The following VARS1 variants were observed in gnomAD, a reference collection of about 807,000 sequenced individuals.
The protein encoded by VARS1 is valyl-tRNA synthetase 1, also known as valine--tRNA ligase.
A neutral mutation model predicts 161.0 loss-of-function variants in VARS1; 92 were observed. The observed-to-expected ratio is 0.57, with a 90% CI of 0.48 to 0.68. The LOEUF (loss-of-function observed/expected upper bound fraction) is 0.68. Ranked by LOEUF, VARS1 falls within the 30% of genes least tolerant of loss-of-function variation. The pLI, the probability that VARS1 is intolerant of heterozygous loss-of-function variation, is 0.00. For missense variants in VARS1, 1,338 were observed against 1,695.9 expected, an observed-to-expected ratio of 0.79 and a Z score of 3.71; for synonymous variants, 595 against 682.5, an observed-to-expected ratio of 0.87 and a Z score of 2.00.
In VARS1 at chr6:31,782,932, C is replaced by T. The variant is rs778814391; in HGVS notation, c.1763-87G>A. The T allele has an allele frequency of 5.0e-5, 78 of 1,546,476 alleles. No homozygotes were observed. Among genetic ancestry groups the T allele is most frequent in the Non-Finnish European group, 5.6e-5 (64 of 1,145,374 alleles). ...CCTCTTTTGCTGAAGGATGTAGCTC[C>T]GAGACCACTCCTGGCCCCCACTTGT... On this transcript the variant is annotated intron_variant, in intron 14 of 29. Transcript: ENST00000375663. The surrounding 1 kb of genome is among the most constrained non-coding windows in gnomAD (Gnocchi z 8.3).
rs940612260 is a variant in VARS1 at position 31,782,438 on chromosome 6, G to A, written c.1997C>T (p.Ser666Leu). The change falls in exon 17 of 30, where the codon TCG becomes TTG. Residue 666 changes from serine to leucine, a missense_variant. By Grantham distance (145) the Ser-to-Leu change is moderately radical. Around this residue, in one of 3 missense-constraint regions of VARS1, gnomAD observed 902 missense variants for 1,090.3 expected, o/e 0.83. Transcript: ENST00000375663. This position sits in a 1 kb window ranked among gnomAD's most constrained non-coding sequence, Gnocchi z 8.3. ...CAGCAGAGGCTCTACCACGTCCTTCGACCGGCTGGGGGTACACGTAGGTGA... is the reference window on the plus strand; with the variant it reads ...CAGCAGAGGCTCTACCACGTCCTTCAACCGGCTGGGGGTACACGTAGGTGA... ...NPMVVPLCNRSKDVVEPLLRP... is the reference protein window; with the variant it reads ...NPMVVPLCNRLKDVVEPLLRP... 1 of 1,612,046 alleles carries A rather than the reference G, an allele frequency of 6.2e-7. No individual in the cohort carries two copies. Among genetic ancestry groups the A allele is most frequent in the South Asian group, 1.1e-5 (1 of 90,964 alleles).
Position 31,784,425 on chromosome 6 carries a change from G to C in VARS1, c.1545C>G (p.Leu515=). ...GYKEKVEFGV[L]VSFAYKVQGS... ...CTTGGACCTTATAGGCAAAGGACAC[G>C]AGGACCCCGAACTCCACCTTCTCCT... Residue 515 remains leucine (L), a synonymous_variant, in exon 12 of 30, where the codon CTC becomes CTG. Transcript: ENST00000375663. This position sits in a 1 kb window ranked among gnomAD's most constrained non-coding sequence, Gnocchi z 6.1. 1 of 1,614,098 alleles carries C rather than the reference G, an allele frequency of 6.2e-7. No homozygotes were observed. The highest frequency in any genetic ancestry group is 1.3e-5 in the African/African-American group (1 of 75,030).
chr6:31,795,125 G>A lies in VARS1; in HGVS notation c.93C>T (p.Pro31=), dbSNP rs750141597. ...AARYGEAGEG[P]GWGGAHPRIC... is the part of the protein sequence containing the mutation. ...TGCGGGGGTGGGCTCCTCCCCATCCGGGACCCTCCCCAGCCTCCCCATAGC... is the reference window on the plus strand; with the variant it reads ...TGCGGGGGTGGGCTCCTCCCCATCCAGGACCCTCCCCAGCCTCCCCATAGC... Residue 31 remains proline, a synonymous_variant, in exon 2 of 30, where the codon CCC becomes CCT. Transcript: ENST00000375663. The surrounding 1 kb of genome is among the most constrained non-coding windows in gnomAD (Gnocchi z 6.9). 8.7e-6 allele frequency: 13 copies of A among 1,487,038 alleles called. No homozygotes were observed. The highest frequency in any genetic ancestry group is 1.1e-5 in the Non-Finnish European group (12 of 1,118,376). The allele number at this position is 1,487,038 out of a possible 1,614,324, so 92.1% of individuals were successfully genotyped here.
rs1012738484 is a variant in VARS1 at position 31,791,324 on chromosome 6, A to C, written c.1100+286T>G. Among the ~76,000 whole-genome samples the C allele has an allele frequency of 6.6e-5, 10 of 152,162 alleles. No homozygotes were observed. Among genetic ancestry groups the C allele is most frequent in the Non-Finnish European group, 1.3e-4 (9 of 68,040 alleles). On this transcript the variant is annotated intron_variant, in intron 8 of 29. Transcript: ENST00000375663. This position sits in a 1 kb window ranked among gnomAD's most constrained non-coding sequence, Gnocchi z 5.0. ...CCAGGAGTTGGAGACCAGACTGAGC[A>C]ACAAAGTGAAAACTCATCTTTACAA...
rs1407770628 is a variant in VARS1 at position 31,784,044 on chromosome 6, C to G, written c.1671+170G>C. 6.6e-6 allele frequency among the ~76,000 whole-genome samples: 1 copy of G among 152,166 alleles called. No individual in the cohort carries two copies. Among genetic ancestry groups the G allele is most frequent in the Admixed American group, 6.5e-5 (1 of 15,274 alleles). ...TGACTATCCCAACACTTGAACTCCC[C>G]CAAACAGTCCCCAATAGCTCTACCC... On this transcript the variant is annotated intron_variant, in intron 13 of 29. Transcript: ENST00000375663. This position sits in a 1 kb window ranked among gnomAD's most constrained non-coding sequence, Gnocchi z 6.1.
chr6:31,779,586 C>A lies in VARS1; in HGVS notation c.3288+22G>T, dbSNP rs190645428. On this transcript the variant is annotated intron_variant, in intron 27 of 29. Coordinates refer to ENST00000375663, the MANE Select transcript of VARS1 (RefSeq NM_006295.3). This position sits in a 1 kb window ranked among gnomAD's most constrained non-coding sequence, Gnocchi z 9.1. ...GGGGCCTGGAGGGCAGGTCAGACTC[C>A]CCTCTCCAGGCCATGCCATACCTCT... is the stretch of plus-strand genomic sequence containing the variant. The A allele has an allele frequency of 1.2e-6, 2 of 1,611,582 alleles. No individual in the cohort carries two copies. The highest frequency in any genetic ancestry group is 4.5e-5 in the East Asian group (2 of 44,828).
intron 8 of VARS1, among the ~76,000 whole-genome samples, chr6:31,788,511 C>CCA (rs1554223051): frequency 2.2e-5 from 3 of 138,234 alleles, no homozygotes; most frequent in African/African-American, 8.0e-5. Flanking sequence ...ACAAAAAAAA[C>CCA]AAAAAAAAAA....
At position 31,792,269 on chromosome 6, in the gene VARS1, C is replaced by T. The variant is rs755554725; in HGVS notation, c.819G>A (p.Arg273=). The change falls in exon 6 of 30, where the codon CGG becomes CGA. Residue 273 remains arginine (R), a synonymous_variant. Transcript: ENST00000375663. Reference sequence around the variant, plus strand: ...GGTCATAGGTAATGACCCCAGGATCCCGTTTCTCCCTCTTCTCTGGTTTTG... The same window carrying T: ...GGTCATAGGTAATGACCCCAGGATCTCGTTTCTCCCTCTTCTCTGGTTTTG... ...KKPKPEKREK[R]DPGVITYDLP... is the part of the protein sequence containing the mutation. 1.9e-6 allele frequency: 3 copies of T among 1,613,872 alleles called. No homozygotes were observed. The African/African-American group carries it at 4.0e-5, about 22-fold the overall frequency.
At chr6:31,793,441 G>C (rs1032799112) in intron 2 of VARS1, among the ~76,000 whole-genome samples, 1 of 151,732 alleles carries the variant, frequency 6.6e-6, no homozygotes, top group East Asian at 1.9e-4. Flanking sequence ...AGGAGGTGGA[G>C]CTTGCAGTGA....
Position 31,781,450 on chromosome 6 carries a change from G to A in VARS1, c.2544+31C>T. 1 of 1,607,248 alleles carries A rather than the reference G, an allele frequency of 6.2e-7. No individual in the cohort carries two copies. The highest frequency in any genetic ancestry group is 8.5e-7 in the Non-Finnish European group (1 of 1,178,456). On this transcript the variant is annotated intron_variant, in intron 21 of 29. Transcript: ENST00000375663. The surrounding 1 kb of genome is among the most constrained non-coding windows in gnomAD (Gnocchi z 6.8). Reference sequence around the variant, plus strand: ...CAGGACGGTAGGAGAGGAGGCTGGGGGCGATGGGAGGGTCTCGGCTGTCTC... The same window carrying A: ...CAGGACGGTAGGAGAGGAGGCTGGGAGCGATGGGAGGGTCTCGGCTGTCTC...
In VARS1 at chr6:31,795,652, G is replaced by T. The variant is rs1235362836; in HGVS notation, c.-140C>A. ...GCGGAGGAGTCGAGCGGGCAGAGAC[G>T]GTGGGCGGCTCTCCAGGTGACCCTA... On this transcript the variant is annotated 5_prime_UTR_variant, in exon 1 of 30. Transcript: ENST00000375663. This position sits in a 1 kb window ranked among gnomAD's most constrained non-coding sequence, Gnocchi z 6.9. The T allele has an allele frequency of 1.3e-5, 2 of 158,010 alleles. No homozygotes were observed. The highest frequency in any genetic ancestry group is 4.8e-5 in the African/African-American group (2 of 41,706). The allele number at this position is 158,010 out of a possible 1,614,324, so 9.8% of individuals were successfully genotyped here.
In VARS1 at chr6:31,782,215, A is replaced by T; in HGVS notation, c.2151-38T>A. 1 of 1,612,166 alleles carries T rather than the reference A, an allele frequency of 6.2e-7. No homozygotes were observed. The highest frequency in any genetic ancestry group is 8.5e-7 in the Non-Finnish European group (1 of 1,179,072). ...GGGAGGAGAAATCAGGGAGGGCCTG[A>T]TGGAGCCTGGCCCGAGTGAGCCCTG... On this transcript the variant is annotated intron_variant, in intron 17 of 29. Coordinates refer to ENST00000375663, the MANE Select transcript of VARS1 (RefSeq NM_006295.3). The surrounding 1 kb of genome is among the most constrained non-coding windows in gnomAD (Gnocchi z 8.3).
At chr6:31,789,559 T>C (rs1217864188) in intron 8 of VARS1, among the ~76,000 whole-genome samples, 2 of 152,142 alleles carry the variant, frequency 1.3e-5, no homozygotes, top group South Asian at 2.1e-4. Flanking sequence ...GCAGCTTCCG[T>C]TTGTACTTAA....
At chr6:31,794,807 C>T (rs574750863) in intron 2 of VARS1, 24 bp downstream of exon 2, 1 of 1,529,762 alleles carries the variant, frequency 6.5e-7, no homozygotes, top group Non-Finnish European at 8.8e-7. Context: ...TCTCCCCTCC[C>T]CCTCTTCTGT....
chr6:31,781,330 G>T lies in VARS1; in HGVS notation c.2544+151C>A. On this transcript the variant is annotated intron_variant, in intron 21 of 29. Transcript: ENST00000375663. This position sits in a 1 kb window ranked among gnomAD's most constrained non-coding sequence, Gnocchi z 6.8. ...CCTGGGCACAGGAATCACTGAGCAGGGCCCAGGCTGGATTTCAACCCCACA... is the reference window on the plus strand; with the variant it reads ...CCTGGGCACAGGAATCACTGAGCAGTGCCCAGGCTGGATTTCAACCCCACA... The T allele has an allele frequency of 7.7e-7, 1 of 1,307,076 alleles. No individual in the cohort carries two copies. Among genetic ancestry groups the T allele is most frequent in the Non-Finnish European group, 1.0e-6 (1 of 961,864 alleles). The allele number at this position is 1,307,076 out of a possible 1,614,324, so 81.0% of individuals were successfully genotyped here.
At chr6:31,794,747 A>G in intron 2 of VARS1, 84 bp downstream of exon 2, 1 of 1,460,634 alleles carries the variant, frequency 6.8e-7, no homozygotes, top group Non-Finnish European at 9.1e-7. Context: ...CTGATGTACT[A>G]CCTTCTTGTC....
chr6:31,780,613 C>T lies in VARS1; in HGVS notation c.2798-45G>A, dbSNP rs780280042. 3.1e-6 allele frequency: 5 copies of T among 1,610,882 alleles called. No homozygotes were observed. Among genetic ancestry groups the T allele is most frequent in the Non-Finnish European group, 3.4e-6 (4 of 1,177,612 alleles). ...TGAGTCCTCATCACCCTCTTCCCAG[C>T]CCATGCCCACCAGAGGCTCAGGGTG... is the stretch of plus-strand genomic sequence containing the variant. On this transcript the variant is annotated intron_variant, in intron 24 of 29. Transcript: ENST00000375663. This position sits in a 1 kb window ranked among gnomAD's most constrained non-coding sequence, Gnocchi z 5.1.
In VARS1 at chr6:31,782,631, G is replaced by A. The variant is rs1813234000; in HGVS notation, c.1890C>T (p.Gly630=). Residue 630 remains glycine (G), a splice_region_variant and synonymous_variant, in exon 16 of 30, where the codon GGC becomes GGT. Transcript: ENST00000375663. The surrounding 1 kb of genome is among the most constrained non-coding windows in gnomAD (Gnocchi z 8.3). ...CTTTCCTGGCCTCAAACCTGGGCAG[G>A]CCCTGGGTAGGAATGAGGCCTCATC... ...ALINVPPPFL[G]LPRFEARKAV... is the part of the protein sequence containing the mutation. 1 of 1,613,082 alleles carries A rather than the reference G, an allele frequency of 6.2e-7. No homozygotes were observed. The highest frequency in any genetic ancestry group is 8.5e-7 in the Non-Finnish European group (1 of 1,180,032).
In VARS1 at chr6:31,779,262, C is replaced by T. The variant is rs559132372; in HGVS notation, c.3431G>A (p.Gly1144Asp). The change falls in exon 29 of 30, where the codon GGC (glycine) becomes GAC (aspartate). Residue 1144 changes from glycine (G) to aspartate (D), a missense_variant. Physicochemically the swap from Gly to Asp is moderately conservative, Grantham distance 94. Around this residue, in one of 3 missense-constraint regions of VARS1, gnomAD observed 433 missense variants for 586.2 expected, o/e 0.74. Coordinates refer to ENST00000375663, the MANE Select transcript of VARS1 (RefSeq NM_006295.3). This position sits in a 1 kb window ranked among gnomAD's most constrained non-coding sequence, Gnocchi z 9.1. The stretch of plus-strand genomic sequence containing the variant: ...GCCCGACACCGCCGATGCCAGGGCG[C>T]CCGTGGCCTCATCCGCCACTTCCAG... ...CFLEVADEAT[G>D]ALASAVSGYV... 127 of 1,603,952 alleles carry T rather than the reference C, an allele frequency of 7.9e-5. No individual in the cohort carries two copies. The East Asian group carries it at 2.8e-3, about 35-fold the overall frequency.
Sources: allele counts gnomAD v4.1 joint callset (sites outside exome capture counted in the v4.1 genomes callset), GRCh38; gene constraint gnomAD v4.1.1; regional missense constraint gnomAD v4.1.1; non-coding constraint Gnocchi (gnomAD v3.1); transcripts MANE v1.5; gene names NCBI Gene and HGNC (gene_info 2026-07-23, HGNC 2026-07-21).